ASTN2: variants seen among roughly 807,000 people sequenced by gnomAD.
ASTN2 encodes astrotactin 2.
A neutral mutation model predicts 139.8 loss-of-function variants in ASTN2; 54 were observed. That is an observed-to-expected ratio of 0.39 (90% confidence interval 0.31 to 0.48). The LOEUF (loss-of-function observed/expected upper bound fraction) is 0.48, where lower values mean the gene tolerates loss of function less well. Ranked by LOEUF, ASTN2 falls within the 20% of genes least tolerant of loss-of-function variation. ASTN2 has a pLI of 0.95. For synonymous variants in ASTN2, 756 were observed against 719.5 expected (o/e 1.05, Z -0.81); for missense variants, 1,565 against 1,725.1 (o/e 0.91, Z 1.64).
intron 13 of ASTN2, among the ~76,000 whole-genome samples, chr9:116,737,309 A>G (rs899703967): frequency 6.6e-6 from 1 of 152,140 alleles, no homozygotes; most frequent in Non-Finnish European, 1.5e-5. Flanking sequence ...AGCTGCTGGG[A>G]AAGTTCCGCT....
chr9:116,976,625 G>T, intron 8 of ASTN2, 76 bp downstream of exon 8: 1 of 1,269,454 alleles, frequency 7.9e-7, no homozygotes, highest in Non-Finnish European at 1.1e-6. Flanking sequence ...GAGATGCTTG[G>T]GGCCTCTGGT....
At chr9:117,362,442 C>T (rs1354920768) in intron 1 of ASTN2, among the ~76,000 whole-genome samples, 1 of 152,026 alleles carries the variant, frequency 6.6e-6, no homozygotes, top group Non-Finnish European at 1.5e-5. Context: ...AAAGAGAGGC[C>T]CTGGTGGTAG....
At chr9:117,070,832 A>C (rs1441654819) in intron 5 of ASTN2, among the ~76,000 whole-genome samples, 1 of 151,430 alleles carries the variant, frequency 6.6e-6, no homozygotes, top group Non-Finnish European at 1.5e-5. Flanking sequence ...TTCTTCACGT[A>C]GCTCTCGAGC....
chr9:117,216,535 GTGTT>G (rs987781940), intron 2 of ASTN2, among the ~76,000 whole-genome samples: 33 of 152,322 alleles, frequency 2.2e-4, no homozygotes, highest in Admixed American at 4.6e-4. Context: ...TTGTGTGTGT[GTGTT>G]TGTGTGTGTG....
At chr9:117,288,909 C>A (rs1273183038) in intron 2 of ASTN2, among the ~76,000 whole-genome samples, 2 of 152,164 alleles carry the variant, frequency 1.3e-5, no homozygotes, top group African/African-American at 4.8e-5. Context: ...AAGCAAATAC[C>A]CTTAAGTGCC....
intron 16 of ASTN2, among the ~76,000 whole-genome samples, chr9:116,717,330 G>A (rs1828340097): frequency 6.6e-6 from 1 of 152,132 alleles, no homozygotes; most frequent in Non-Finnish European, 1.5e-5. Context: ...TTGTGGAAAC[G>A]GCAGTCTCAT....
At chr9:116,870,651 G>A (rs1833138065) in intron 10 of ASTN2, among the ~76,000 whole-genome samples, 1 of 152,182 alleles carries the variant, frequency 6.6e-6, no homozygotes, top group South Asian at 2.1e-4. Context: ...CAGACTGGGT[G>A]AGACAGCCAT....
chr9:116,567,074 T>G (rs546546240), intron 19 of ASTN2, among the ~76,000 whole-genome samples: 2 of 152,218 alleles, frequency 1.3e-5, no homozygotes, highest in African/African-American at 4.8e-5. Flanking sequence ...AGAGAGGTCA[T>G]GTGACTTGTG....
intron 13 of ASTN2, among the ~76,000 whole-genome samples, chr9:116,751,376 G>C (rs915135689): frequency 1.3e-5 from 2 of 152,084 alleles, no homozygotes; most frequent in African/African-American, 4.8e-5. Flanking sequence ...TTCCACTCTT[G>C]CAAGTTTGGA....
At chr9:116,892,648 G>A (rs916733167) in intron 10 of ASTN2, among the ~76,000 whole-genome samples, 3 of 151,874 alleles carry the variant, frequency 2.0e-5, no homozygotes, top group Non-Finnish European at 2.9e-5. Flanking sequence ...GGACAACATC[G>A]AAAAGTAAAA....
chr9:116,989,121 A>G (rs1836768574), intron 7 of ASTN2, among the ~76,000 whole-genome samples: 1 of 152,212 alleles, frequency 6.6e-6, no homozygotes, highest in Non-Finnish European at 1.5e-5. Flanking sequence ...CACTCCACAG[A>G]AGAGACTCAT....
At chr9:117,020,147 A>G (rs1224431269) in intron 6 of ASTN2, among the ~76,000 whole-genome samples, 1 of 151,928 alleles carries the variant, frequency 6.6e-6, no homozygotes, top group Non-Finnish European at 1.5e-5. Context: ...GAAAGAGGGT[A>G]TATTTAATAT....
chr9:116,730,176 T>C (rs998318057), intron 14 of ASTN2, among the ~76,000 whole-genome samples: 15 of 152,226 alleles, frequency 9.9e-5, no homozygotes, highest in Non-Finnish European at 4.4e-5. Flanking sequence ...ATCCACACTT[T>C]CTTGTGCCTC....
chr9:117,141,421 C>T lies in ASTN2; in HGVS notation c.1073G>A (p.Ser358Asn), dbSNP rs1246903858. The T allele has an allele frequency of 2.2e-6, 3 of 1,367,426 alleles. No individual in the cohort carries two copies. Among genetic ancestry groups the T allele is most frequent in the Non-Finnish European group, 2.9e-6 (3 of 1,021,844 alleles). 84.7% of individuals were successfully genotyped at this position (1,367,426 alleles called of 1,614,324 possible). Residue 358 changes from serine (S) to asparagine (N), a missense_variant, in exon 4 of 23, where the codon AGT (serine) becomes AAT (asparagine). Transcript: ENST00000313400. The stretch of plus-strand genomic sequence containing the variant: ...CTCGATGGGCGTGTTAGCGCGGAAA[C>T]TCTCCTTGAACTTCTGCATCAGGGA... Reference protein sequence around the residue: ...VESLMQKFKESFRANTPIEIG... With the variant: ...VESLMQKFKENFRANTPIEIG...
chr9:116,679,053 C>T (rs1859676310), intron 16 of ASTN2, among the ~76,000 whole-genome samples: 1 of 152,086 alleles, frequency 6.6e-6, no homozygotes, highest in Non-Finnish European at 1.5e-5. Context: ...TTCAGTTAGC[C>T]TCATGCTATC....
At chr9:117,121,659 T>C (rs927248558) in intron 4 of ASTN2, among the ~76,000 whole-genome samples, 1 of 152,188 alleles carries the variant, frequency 6.6e-6, no homozygotes, top group Non-Finnish European at 1.5e-5. Context: ...CTTGTATTAG[T>C]CCATTCTCAC....
intron 1 of ASTN2, among the ~76,000 whole-genome samples, chr9:117,317,259 C>T (rs534527505): frequency 4.6e-4 from 70 of 152,230 alleles, no homozygotes; most frequent in African/African-American, 1.5e-3. Flanking sequence ...ATTTCAGAGC[C>T]TCAGGAAGCC....
At chr9:116,486,225 T>G (rs1849333833) in intron 20 of ASTN2, among the ~76,000 whole-genome samples, 1 of 152,258 alleles carries the variant, frequency 6.6e-6, no homozygotes, top group Admixed American at 6.5e-5. Flanking sequence ...ACTTCTGTCT[T>G]AGTCTCATTC....
Position 116,638,241 on chromosome 9 carries a change from A to G in ASTN2, c.3072+13287T>C, listed in dbSNP as rs573410604. Among the ~76,000 whole-genome samples, 3 of 152,328 alleles carry G rather than the reference A, an allele frequency of 2.0e-5. No individual in the cohort carries two copies. The East Asian group carries it at 5.8e-4, about 29-fold the overall frequency. On this transcript the variant is annotated intron_variant, in intron 17 of 22. Coordinates refer to ENST00000313400, the MANE Select transcript of ASTN2 (RefSeq NM_001365068.1). ...AAGTAAGAATTTGTCTTTACTCAGC[A>G]CTTATTACGCACCAGCACAAAACTA...
Sources: gnomAD v4.1 joint callset for allele counts (sites outside exome capture counted in the v4.1 genomes callset) on GRCh38, gnomAD v4.1.1 for gene constraint, MANE v1.5 for transcripts, NCBI Gene and HGNC (gene_info 2026-07-23, HGNC 2026-07-21) for gene names.